POLK: variants seen among roughly 807,000 people sequenced by gnomAD.
The protein encoded by POLK is DNA polymerase kappa, also known as polymerase (DNA directed) kappa.
A neutral mutation model predicts 94.0 loss-of-function variants in POLK; 76 were observed. The ratio of observed to expected loss-of-function variants is 0.81; its 90% CI spans 0.67 to 0.98. POLK has a LOEUF of 0.98. Ranked by LOEUF, POLK falls within the 50% of genes least tolerant of loss-of-function variation. The pLI is 0.00. For synonymous variants in POLK, 349 were observed against 325.4 expected (o/e 1.07, Z -0.78); for missense variants, 954 against 1,010.1 (o/e 0.94, Z 0.75).
chr5:75,530,922 T>A (rs147376599), intron 1 of POLK, among the ~76,000 whole-genome samples: 3 of 151,648 alleles, frequency 2.0e-5, no homozygotes, highest in Non-Finnish European at 4.4e-5. Context: ...TCTCCTGCCT[T>A]AGCCTTGCGA....
intron 13 of POLK, 36 bp from the exon 14 acceptor site, chr5:75,597,711 T>C (rs1204312349): frequency 1.1e-5 from 14 of 1,219,082 alleles, no homozygotes; most frequent in African/African-American, 1.6e-5. Flanking sequence ...TTCATATTAT[T>C]CATTATGGAA....
At chr5:75,526,713 C>CT (rs1384943748) in intron 1 of POLK, among the ~76,000 whole-genome samples, 2 of 151,752 alleles carry the variant, frequency 1.3e-5, no homozygotes, top group Admixed American at 1.3e-4. Flanking sequence ...TCCTGAGTAG[C>CT]TGGGATTACA....
intron 3 of POLK, among the ~76,000 whole-genome samples, chr5:75,561,325 T>G (rs1013965630): frequency 6.6e-6 from 1 of 152,244 alleles, no homozygotes; most frequent in Non-Finnish European, 1.5e-5. Context: ...TGTCTCTTCA[T>G]ATCCTTTGCC....
chr5:75,559,595 G>C (rs940394544), intron 3 of POLK, among the ~76,000 whole-genome samples: 1 of 141,428 alleles, frequency 7.1e-6, no homozygotes, highest in African/African-American at 2.7e-5. Context: ...GTGCAGTGGT[G>C]GTACCATCAT....
intron 1 of POLK, among the ~76,000 whole-genome samples, chr5:75,518,404 A>G (rs899863674): frequency 3.7e-4 from 57 of 152,230 alleles, no homozygotes; most frequent in African/African-American, 1.3e-3. Context: ...TCTTCTAGCT[A>G]TTCCAATTTG....
chr5:75,575,941 ACT>A (rs1319199986), intron 5 of POLK, among the ~76,000 whole-genome samples: 2 of 152,062 alleles, frequency 1.3e-5, no homozygotes, highest in Admixed American at 6.6e-5. Context: ...GCAGGGTCTC[ACT>A]CTGTCACCCA....
chr5:75,589,963 A>G (rs1273226419), intron 10 of POLK, among the ~76,000 whole-genome samples: 1 of 152,220 alleles, frequency 6.6e-6, no homozygotes, highest in Non-Finnish European at 1.5e-5. Flanking sequence ...ATGTGCAGTA[A>G]TTGGAATGAT....
At chr5:75,519,129 A>C (rs1393462318) in intron 1 of POLK, among the ~76,000 whole-genome samples, 8 of 152,200 alleles carry the variant, frequency 5.3e-5, no homozygotes, top group African/African-American at 1.9e-4. Flanking sequence ...CCCTGCCAGG[A>C]ACAAGTCATT....
intron 1 of POLK, among the ~76,000 whole-genome samples, chr5:75,545,756 T>C (rs1769985018): frequency 6.6e-6 from 1 of 152,082 alleles, no homozygotes. Flanking sequence ...GTAGAGGAAG[T>C]ATTATTTTGT....
chr5:75,523,747 A>G (rs1200414941), intron 1 of POLK, among the ~76,000 whole-genome samples: 8 of 152,264 alleles, frequency 5.3e-5, no homozygotes, highest in Non-Finnish European at 1.2e-4. Context: ...GAGTGTTTTT[A>G]AACTAGAAAA....
chr5:75,583,449 T>A (rs752963099), intron 8 of POLK, 32 bp downstream of exon 8: 7 of 1,415,536 alleles, frequency 4.9e-6, no homozygotes. Flanking sequence ...TATTTATATA[T>A]GTACTCTGAA....
Position 75,511,789 on chromosome 5 carries a change from A to C in POLK, c.-139A>C, listed in dbSNP as rs771400628. Reference sequence around the variant, plus strand: ...GCTCTCCCGGGTGACGACGGGTAGAAAAGCAGGAGGAGCGGAGAAAGGAGA... The same window carrying C: ...GCTCTCCCGGGTGACGACGGGTAGACAAGCAGGAGGAGCGGAGAAAGGAGA... On this transcript the variant is annotated 5_prime_UTR_variant, in exon 1 of 15. Transcript: ENST00000241436. 1.8e-5 allele frequency: 28 copies of C among 1,551,432 alleles called. No homozygotes were observed. In the Middle Eastern group the frequency reaches 2.2e-3, roughly 121 times the overall value.
At chr5:75,581,481 T>C in intron 7 of POLK, 33 bp downstream of exon 7, 1 of 1,583,310 alleles carries the variant, frequency 6.3e-7, no homozygotes, top group Non-Finnish European at 8.6e-7. Context: ...CCACTGTAGT[T>C]ATAATTTTCA....
chr5:75,566,601 G>A (rs545632705), intron 3 of POLK, among the ~76,000 whole-genome samples: 34 of 152,272 alleles, frequency 2.2e-4, no homozygotes, highest in African/African-American at 7.2e-4. Flanking sequence ...AGTCCCTCAC[G>A]GCTTCCCTTG....
exon 13 of POLK, chr5:75,597,104 A>C: frequency 6.2e-7 from 1 of 1,613,244 alleles, no homozygotes; most frequent in Non-Finnish European, 8.5e-7. Context: ...TGCTTAAATA[A>C]AAGTTTTATC....
intron 6 of POLK, chr5:75,580,584 C>G: frequency 1.2e-6 from 1 of 857,968 alleles, no homozygotes; most frequent in Non-Finnish European, 1.4e-6. Context: ...TTCAAAGAAG[C>G]ATAACTTTCA....
chr5:75,586,787 A>G (rs1772493335), intron 9 of POLK, among the ~76,000 whole-genome samples: 1 of 152,148 alleles, frequency 6.6e-6, no homozygotes, highest in African/African-American at 2.4e-5. Flanking sequence ...TCTAATATCT[A>G]CCTATTTTCA....
intron 1 of POLK, among the ~76,000 whole-genome samples, chr5:75,515,731 A>G (rs1191806815): frequency 2.0e-5 from 3 of 152,224 alleles, no homozygotes; most frequent in Admixed American, 6.5e-5. Context: ...CCAACAGTGT[A>G]GCAGGGTTCC....
intron 12 of POLK, 78 bp downstream of exon 12, chr5:75,594,127 G>C: frequency 4.8e-6 from 5 of 1,047,584 alleles, no homozygotes; most frequent in Non-Finnish European, 7.0e-6. Context: ...AATACAGGGG[G>C]CCCCCAACTT....
Sources: gnomAD v4.1 joint callset for allele counts (sites outside exome capture counted in the v4.1 genomes callset) on GRCh38, gnomAD v4.1.1 for gene constraint, MANE v1.5 for transcripts, NCBI Gene and HGNC (gene_info 2026-07-23, HGNC 2026-07-21) for gene names.